TAFA5: variants seen among roughly 807,000 people sequenced by gnomAD.
TAFA5 encodes TAFA chemokine like family member 5.
Under a neutral mutation model 15.3 loss-of-function variants are expected in TAFA5, and 6 were observed. The ratio of observed to expected loss-of-function variants is 0.39; its 90% confidence interval spans 0.21 to 0.77. The LOEUF is 0.77. TAFA5 is among the 30% of genes least tolerant of loss of function. The pLI, the probability that TAFA5 is intolerant of heterozygous loss-of-function variation, is 0.41. For synonymous variants in TAFA5, 103 were observed against 80.7 expected (o/e 1.28, Z -1.48); for missense variants, 161 against 193.1 (o/e 0.83, Z 0.98).
chr22:48,508,148 C>T (rs956560184), intron 1 of TAFA5, among the ~76,000 whole-genome samples: 2 of 152,202 alleles, frequency 1.3e-5, no homozygotes, highest in African/African-American at 4.8e-5. Context: ...CACTGTTTCT[C>T]TCTCAGGGAG....
At chr22:48,524,214 G>T (rs574948946) in intron 1 of TAFA5, among the ~76,000 whole-genome samples, 2 of 152,208 alleles carry the variant, frequency 1.3e-5, no homozygotes, top group Admixed American at 1.3e-4. Context: ...CCATCTCCAC[G>T]GGCCTCAGGA....
At position 48,715,084 on chromosome 22, in the gene TAFA5, A is replaced by G. The variant is rs139528057; in HGVS notation, c.390+7240A>G. ...CACTAATCATGCCTGGAAAGAACCT[A>G]TTTCCAAATCAAGTCAGATTTTGAG... On this transcript the variant is annotated intron_variant, in intron 3 of 3. Transcript: ENST00000402357. 7.3e-3 allele frequency among the ~76,000 whole-genome samples: 1,118 copies of G among 152,320 alleles called. 7 individuals are homozygous for G. Among genetic ancestry groups the G allele is most frequent in the Admixed American group, 0.014 (209 of 15,302 alleles).
chr22:48,721,106 C>CA (rs1929556461), intron 3 of TAFA5, among the ~76,000 whole-genome samples: 1 of 152,212 alleles, frequency 6.6e-6, no homozygotes, highest in African/African-American at 2.4e-5. Flanking sequence ...ACGTGAGCTC[C>CA]ATCTCGATGG....
intron 1 of TAFA5, among the ~76,000 whole-genome samples, chr22:48,616,433 G>A (rs1925607644): frequency 6.6e-6 from 1 of 152,194 alleles, no homozygotes; most frequent in African/African-American, 2.4e-5. Flanking sequence ...CATCCCTAAT[G>A]CATCACCTAA....
chr22:48,709,797 A>G (rs713739), intron 3 of TAFA5, among the ~76,000 whole-genome samples: 106,543 of 152,188 alleles, frequency 0.7, 37,476 homozygotes, highest in Middle Eastern at 0.72. Flanking sequence ...GTGGATAAGC[A>G]GGTCATCACT....
intron 1 of TAFA5, among the ~76,000 whole-genome samples, chr22:48,607,814 CAAAA>C (rs780915644): frequency 6.6e-6 from 1 of 152,134 alleles, no homozygotes; most frequent in Non-Finnish European, 1.5e-5. Flanking sequence ...AAAACAAAAA[CAAAA>C]AACTCAAAAC....
chr22:48,583,631 T>A (rs1338299857), intron 1 of TAFA5, among the ~76,000 whole-genome samples: 1 of 5,164 alleles, frequency 1.9e-4, no homozygotes, highest in Non-Finnish European at 4.2e-4. Context: ...AAATACACCA[T>A]ACACAAACCA....
intron 2 of TAFA5, among the ~76,000 whole-genome samples, chr22:48,675,100 C>T (rs1446578107): frequency 3.9e-5 from 6 of 152,170 alleles, no homozygotes; most frequent in Non-Finnish European, 8.8e-5. Context: ...CATCACCACA[C>T]ACGGCTAATT....
At chr22:48,675,267 T>C (rs1030065243) in intron 2 of TAFA5, among the ~76,000 whole-genome samples, 2 of 152,224 alleles carry the variant, frequency 1.3e-5, no homozygotes, top group African/African-American at 4.8e-5. Flanking sequence ...TTTGTTTACG[T>C]AAAGATCAAC....
chr22:48,493,801 G>C (rs1928235078), intron 1 of TAFA5, among the ~76,000 whole-genome samples: 1 of 151,964 alleles, frequency 6.6e-6, no homozygotes, highest in Non-Finnish European at 1.5e-5. Context: ...GGGACCCCTG[G>C]GGGAAGGGAC....
intron 1 of TAFA5, among the ~76,000 whole-genome samples, chr22:48,592,075 C>T (rs565863337): frequency 1.3e-5 from 2 of 152,200 alleles, no homozygotes; most frequent in African/African-American, 4.8e-5. Context: ...TTGCAGGTCC[C>T]GAGGCTGGTG....
At chr22:48,588,474 G>A (rs1158411082) in intron 1 of TAFA5, among the ~76,000 whole-genome samples, 1 of 152,184 alleles carries the variant, frequency 6.6e-6, no homozygotes, top group Admixed American at 6.5e-5. Context: ...CAGTGGGAGG[G>A]GTCCTGCAGA....
intron 1 of TAFA5, among the ~76,000 whole-genome samples, chr22:48,583,612 C>CT (rs1924185792): frequency 6.8e-6 from 1 of 146,904 alleles, no homozygotes; most frequent in Non-Finnish European, 1.5e-5. Context: ...ACACCACACC[C>CT]CACACACGAA....
At chr22:48,633,450 T>C (rs12484497) in intron 1 of TAFA5, among the ~76,000 whole-genome samples, 52,216 of 151,674 alleles carry the variant, frequency 0.34, 9,415 homozygotes, top group South Asian at 0.43. Flanking sequence ...GGGGCTCTTC[T>C]CTCTTCCCCA....
chr22:48,677,897 A>C (rs1353855096), intron 2 of TAFA5, among the ~76,000 whole-genome samples: 1 of 151,812 alleles, frequency 6.6e-6, no homozygotes. Flanking sequence ...TGGAGGTCCA[A>C]GCTGGAGGCA....
At chr22:48,728,418 G>A (rs1258134314) in intron 3 of TAFA5, among the ~76,000 whole-genome samples, 2 of 152,196 alleles carry the variant, frequency 1.3e-5, no homozygotes, top group African/African-American at 2.4e-5. Context: ...ACTGCCAGAT[G>A]GTTAACTTGG....
intron 2 of TAFA5, among the ~76,000 whole-genome samples, chr22:48,697,120 G>T (rs2042575504): frequency 6.6e-6 from 1 of 152,204 alleles, no homozygotes; most frequent in Non-Finnish European, 1.5e-5. Context: ...AAGAAGAGAG[G>T]AACCTGGACT....
At chr22:48,499,882 G>T (rs1003505576) in intron 1 of TAFA5, among the ~76,000 whole-genome samples, 1 of 152,070 alleles carries the variant, frequency 6.6e-6, no homozygotes, top group Admixed American at 6.6e-5. Context: ...GCAAATGTGC[G>T]TTCCGGGGTG....
chr22:48,648,396 G>A (rs912581156), intron 2 of TAFA5, among the ~76,000 whole-genome samples: 2 of 152,152 alleles, frequency 1.3e-5, no homozygotes, highest in African/African-American at 4.8e-5. Context: ...AGCCTTGCCC[G>A]TGTGCTGTGA....
Sources: allele counts gnomAD v4.1 joint callset (sites outside exome capture counted in the v4.1 genomes callset), GRCh38; gene constraint gnomAD v4.1.1; transcripts MANE v1.5; gene names NCBI Gene and HGNC (gene_info 2026-07-23, HGNC 2026-07-21).